Variants in TDRD7 observed in about 807,000 individuals in gnomAD.
The protein encoded by TDRD7 is tudor domain containing 7.
A neutral mutation model predicts 109.8 loss-of-function variants in TDRD7; 47 were observed. The observed-to-expected ratio is 0.43, with a 90% CI of 0.34 to 0.55. The LOEUF is 0.55. Ranked by LOEUF, TDRD7 falls within the 20% of genes least tolerant of loss-of-function variation. The pLI, the probability that TDRD7 is intolerant of heterozygous loss-of-function variation, is 0.03. For synonymous variants in TDRD7, 424 were observed against 457.3 expected, an observed-to-expected ratio of 0.93 and a Z score of 0.93; for missense variants, 1,164 against 1,319.2, an observed-to-expected ratio of 0.88 and a Z score of 1.82.
intron 15 of TDRD7, among the ~76,000 whole-genome samples, chr9:97,485,870 C>T (rs1207581951): frequency 6.6e-6 from 1 of 152,154 alleles, no homozygotes; most frequent in Admixed American, 6.5e-5. Context: ...TACTATGTAT[C>T]CTTTCTGTGT....
intron 6 of TDRD7, among the ~76,000 whole-genome samples, chr9:97,448,799 A>G (rs1436393450): frequency 3.3e-5 from 5 of 152,222 alleles, no homozygotes; most frequent in African/African-American, 7.2e-5. Flanking sequence ...AAAAATGACT[A>G]CTACCCTGTG....
chr9:97,455,128 A>G (rs1401081667), intron 6 of TDRD7, among the ~76,000 whole-genome samples: 1 of 152,204 alleles, frequency 6.6e-6, no homozygotes, highest in African/African-American at 2.4e-5. Context: ...TAAACCAGGA[A>G]GAAATCGAAT....
At chr9:97,428,372 TAA>T (rs1194666279) in intron 1 of TDRD7, 86 bp from the exon 2 acceptor site, 3 of 1,302,958 alleles carry the variant, frequency 2.3e-6, no homozygotes, top group East Asian at 4.8e-5. Flanking sequence ...TAATAATTTA[TAA>T]AGTAACAAGT....
chr9:97,456,345 A>G (rs1828609077), intron 6 of TDRD7, among the ~76,000 whole-genome samples: 1 of 152,240 alleles, frequency 6.6e-6, no homozygotes, highest in Non-Finnish European at 1.5e-5. Flanking sequence ...ATATGGAATC[A>G]AAGAAGACCC....
chr9:97,441,505 C>T lies in TDRD7; in HGVS notation c.638-153C>T, dbSNP rs765228644. ...GTTAAAACTTAGAATGAAGTTGTCA[C>T]GGTGCTGCTCTGCCTAATCCTGCTC... On this transcript the variant is annotated intron_variant, in intron 5 of 16. Transcript: ENST00000355295. Among the ~76,000 whole-genome samples the T allele has an allele frequency of 4.6e-5, 7 of 152,140 alleles. No individual in the cohort carries two copies. In the South Asian group the frequency reaches 6.2e-4, roughly 13 times the overall value.
chr9:97,450,837 A>G (rs948007553), intron 6 of TDRD7, among the ~76,000 whole-genome samples: 4 of 152,108 alleles, frequency 2.6e-5, no homozygotes, highest in African/African-American at 9.7e-5. Context: ...TGTAAAATAT[A>G]TATTTGGCCT....
chr9:97,474,471 T>C lies in TDRD7; in HGVS notation c.2079+845T>C, dbSNP rs77850491. 8.2e-3 allele frequency among the ~76,000 whole-genome samples: 1,250 copies of C among 152,328 alleles called. 41 individuals are homozygous for C. The East Asian group carries it at 0.11, about 13-fold the overall frequency. Reference sequence around the variant, plus strand: ...CCGTATGCTTCTTGAGGGCATAGACTGTGCCTTACCAATTTTCTGCATCCC... The same window carrying C: ...CCGTATGCTTCTTGAGGGCATAGACCGTGCCTTACCAATTTTCTGCATCCC... On this transcript the variant is annotated intron_variant, in intron 11 of 16. Coordinates refer to ENST00000355295, the MANE Select transcript of TDRD7 (RefSeq NM_014290.3).
At chr9:97,429,222 C>G (rs756220720) in intron 2 of TDRD7, among the ~76,000 whole-genome samples, 5 of 152,124 alleles carry the variant, frequency 3.3e-5, no homozygotes, top group Non-Finnish European at 5.9e-5. Context: ...GTTTTAAATC[C>G]TTCTGCCTCT....
chr9:97,469,422 A>G (rs1029349002), intron 8 of TDRD7, among the ~76,000 whole-genome samples: 2 of 152,228 alleles, frequency 1.3e-5, no homozygotes, highest in African/African-American at 2.4e-5. Flanking sequence ...CACATGGCCA[A>G]GGAAAGGAGT....
intron 1 of TDRD7, among the ~76,000 whole-genome samples, chr9:97,416,797 T>C (rs1170743936): frequency 6.6e-6 from 1 of 152,074 alleles, no homozygotes; most frequent in Non-Finnish European, 1.5e-5. Context: ...GGTAGGTGGA[T>C]GGAGAATTTC....
At chr9:97,484,496 C>G (rs1456053099) in intron 15 of TDRD7, among the ~76,000 whole-genome samples, 3 of 151,440 alleles carry the variant, frequency 2.0e-5, no homozygotes, top group Non-Finnish European at 4.4e-5. Flanking sequence ...ACACACACCC[C>G]AAAACTCAGT....
intron 10 of TDRD7, 94 bp downstream of exon 10, chr9:97,472,589 G>A: frequency 9.3e-7 from 1 of 1,074,596 alleles, no homozygotes; most frequent in Non-Finnish European, 1.4e-6. Context: ...AATTGATAGA[G>A]ACAGATTACA....
chr9:97,482,889 A>G lies in TDRD7; in HGVS notation c.2453A>G (p.Tyr818Cys), dbSNP rs955862168. Reference protein sequence around the residue: ...VDETRGIAHVYLFTPKNFPDP... With the variant: ...VDETRGIAHVCLFTPKNFPDP... Reference sequence around the variant, plus strand: ...GAAACCAGAGGGATCGCACATGTTTATTTATTTACCCCTAAGAACTTCCCT... The same window carrying G: ...GAAACCAGAGGGATCGCACATGTTTGTTTATTTACCCCTAAGAACTTCCCT... Residue 818 changes from tyrosine to cysteine, a missense_variant, in exon 15 of 17, where the codon TAT (tyrosine) becomes TGT (cysteine). Transcript: ENST00000355295. 5 of 1,614,024 alleles carry G rather than the reference A, an allele frequency of 3.1e-6. No individual in the cohort carries two copies. Among genetic ancestry groups the G allele is most frequent in the African/African-American group, 2.7e-5 (2 of 74,924 alleles).
In TDRD7 at chr9:97,486,877, CTAAT is replaced by C. The variant is rs1829220294; in HGVS notation, c.2916-290_2916-287del. ...TCATCCTCCATGGTGTTTGTTTCTT[CTAAT>C]TAATGATGGTTGACAGTTTATATGT... On this transcript the variant is annotated intron_variant, in intron 15 of 16. Coordinates refer to ENST00000355295, the MANE Select transcript of TDRD7 (RefSeq NM_014290.3). Among the ~76,000 whole-genome samples the C allele has an allele frequency of 2.0e-5, 3 of 152,298 alleles. No homozygotes were observed. The East Asian group carries it at 5.8e-4, about 29-fold the overall frequency.
intron 1 of TDRD7, among the ~76,000 whole-genome samples, chr9:97,415,847 A>G (rs1827802307): frequency 2.0e-5 from 3 of 152,238 alleles, no homozygotes; most frequent in Admixed American, 2.0e-4. Context: ...TAGTTAGAAC[A>G]AAGTATTCTT....
chr9:97,473,996 C>G (rs896303354), intron 11 of TDRD7, among the ~76,000 whole-genome samples: 1 of 152,160 alleles, frequency 6.6e-6, no homozygotes, highest in Non-Finnish European at 1.5e-5. Context: ...ACTCTTCTGC[C>G]TTAGGCAAGG....
intron 11 of TDRD7, among the ~76,000 whole-genome samples, chr9:97,474,031 A>G (rs1266448744): frequency 6.6e-6 from 1 of 152,192 alleles, no homozygotes; most frequent in African/African-American, 2.4e-5. Flanking sequence ...TTAGGAGGAT[A>G]ATAAAACTTT....
chr9:97,452,703 A>G (rs1003881157), intron 6 of TDRD7, among the ~76,000 whole-genome samples: 12 of 152,236 alleles, frequency 7.9e-5, no homozygotes, highest in Non-Finnish European at 2.9e-5. Context: ...TTTGACTTAA[A>G]TGCTGCAGAC....
intron 6 of TDRD7, among the ~76,000 whole-genome samples, chr9:97,445,238 T>C (rs934747308): frequency 6.6e-6 from 1 of 152,188 alleles, no homozygotes; most frequent in Non-Finnish European, 1.5e-5. Context: ...CTCTTGGCTG[T>C]TCTAGAGCAG....
Sources: allele counts gnomAD v4.1 joint callset (sites outside exome capture counted in the v4.1 genomes callset), GRCh38; gene constraint gnomAD v4.1.1; transcripts MANE v1.5; gene names NCBI Gene and HGNC (gene_info 2026-07-23, HGNC 2026-07-21).